SUGCT: variants seen among roughly 807,000 people sequenced by gnomAD.
SUGCT encodes the protein succinyl-CoA:glutarate-CoA transferase, also known as succinyl-CoA:glutarate CoA-transferase.
In SUGCT, 41 loss-of-function variants were observed where a neutral mutation model predicts 55.0. The observed-to-expected ratio is 0.74, with a 90% CI of 0.58 to 0.97. The LOEUF is 0.97. SUGCT is among the 50% of genes least tolerant of loss of function. The probability of loss-of-function intolerance (pLI) is 0.00; values close to 1 mark genes in which losing one functional copy is unlikely to be tolerated. For synonymous variants in SUGCT, 187 were observed against 200.4 expected, an observed-to-expected ratio of 0.93 and a Z score of 0.56; for missense variants, 568 against 547.8, an observed-to-expected ratio of 1.04 and a Z score of -0.37.
chr7:40,218,122 A>C (rs1319401545), intron 6 of SUGCT, among the ~76,000 whole-genome samples: 1 of 152,112 alleles, frequency 6.6e-6, no homozygotes, highest in Non-Finnish European at 1.5e-5. Flanking sequence ...CTGAGGCAGG[A>C]GAATCATTTG....
intron 12 of SUGCT, among the ~76,000 whole-genome samples, chr7:40,622,173 G>C (rs978479379): frequency 3.9e-5 from 6 of 152,224 alleles, no homozygotes; most frequent in Non-Finnish European, 7.3e-5. Flanking sequence ...GGTGTCCCAT[G>C]TGCTCATGAG....
chr7:40,744,449 A>C (rs936782999), intron 12 of SUGCT, among the ~76,000 whole-genome samples: 2 of 151,918 alleles, frequency 1.3e-5, no homozygotes, highest in Non-Finnish European at 2.9e-5. Context: ...AAAGTGACTA[A>C]TTTTTTTTAC....
intron 13 of SUGCT, among the ~76,000 whole-genome samples, chr7:40,761,854 G>A (rs553898950): frequency 6.6e-5 from 10 of 152,262 alleles, no homozygotes; most frequent in African/African-American, 2.2e-4. Context: ...ACCGTCCTCC[G>A]AGGGTCAGGA....
intron 12 of SUGCT, among the ~76,000 whole-genome samples, chr7:40,626,261 C>G (rs1035220347): frequency 1.3e-5 from 2 of 151,712 alleles, no homozygotes; most frequent in African/African-American, 2.4e-5. Context: ...TTTCTTTTCT[C>G]TCTTTTTTTT....
At chr7:40,965,785 G>T in the SUGCT span, 1 of 152,170 alleles carries the variant, frequency 6.6e-6, no homozygotes, top group Non-Finnish European at 1.5e-5. Context: ...TCTACTATCA[G>T]AGAATGACCT....
At chr7:40,471,434 G>T (rs1790397991) in intron 11 of SUGCT, among the ~76,000 whole-genome samples, 1 of 151,848 alleles carries the variant, frequency 6.6e-6, no homozygotes, top group Admixed American at 6.6e-5. Context: ...CAATGTACTT[G>T]CCTATATAAT....
intron 9 of SUGCT, among the ~76,000 whole-genome samples, chr7:40,413,839 A>G (rs1786825631): frequency 6.6e-6 from 1 of 152,200 alleles, no homozygotes; most frequent in South Asian, 2.1e-4. Context: ...AATCAAATAA[A>G]TGTAAATAAA....
intron 8 of SUGCT, among the ~76,000 whole-genome samples, chr7:40,280,454 C>G (rs1792878815): frequency 6.6e-6 from 1 of 152,082 alleles, no homozygotes; most frequent in Admixed American, 6.6e-5. Flanking sequence ...GTTTTAATGT[C>G]CTTACTGTAC....
intron 7 of SUGCT, among the ~76,000 whole-genome samples, chr7:40,242,931 ATATTTTTTTTTTTTT>A (rs1789535189): frequency 1.4e-4 from 3 of 21,066 alleles, no homozygotes; most frequent in African/African-American, 4.5e-4. Flanking sequence ...ATATATATAT[ATATTTTTTTTTTTTT>A]TTTTTTTTTT....
chr7:41,027,199 C>A, the SUGCT span, among the ~76,000 whole-genome samples: 1 of 152,082 alleles, frequency 6.6e-6, no homozygotes, highest in Non-Finnish European at 1.5e-5. Flanking sequence ...AATGGCTGGT[C>A]CTCTAAAACC....
At chr7:40,709,279 G>C (rs375546283) in intron 12 of SUGCT, among the ~76,000 whole-genome samples, 1 of 152,116 alleles carries the variant, frequency 6.6e-6, no homozygotes, top group South Asian at 2.1e-4. Context: ...CCATTATCAC[G>C]CTAAGAAAAG....
the SUGCT span, among the ~76,000 whole-genome samples, chr7:40,930,860 C>T: frequency 5.9e-5 from 9 of 152,128 alleles, no homozygotes; most frequent in Admixed American, 5.9e-4. Flanking sequence ...AATCATGTCA[C>T]TTGCAAACAG....
the SUGCT span, among the ~76,000 whole-genome samples, chr7:40,926,284 T>C: frequency 6.6e-6 from 1 of 152,000 alleles, no homozygotes; most frequent in Admixed American, 6.6e-5. Context: ...AGAAACTAAC[T>C]CTTGAGAATT....
chr7:40,853,259 G>T (rs2128801605), intron 13 of SUGCT, among the ~76,000 whole-genome samples: 1 of 152,230 alleles, frequency 6.6e-6, no homozygotes, highest in African/African-American at 2.4e-5. Context: ...ATTACTATGT[G>T]TAATAATATC....
At chr7:40,201,569 T>G (rs533334120) in intron 6 of SUGCT, among the ~76,000 whole-genome samples, 11 of 152,300 alleles carry the variant, frequency 7.2e-5, no homozygotes, top group African/African-American at 2.2e-4. Context: ...TTAGTGAAAG[T>G]GTGGTTTGAC....
intron 13 of SUGCT, among the ~76,000 whole-genome samples, chr7:40,751,680 A>T (rs1476710442): frequency 6.6e-6 from 1 of 152,156 alleles, no homozygotes; most frequent in Non-Finnish European, 1.5e-5. Context: ...TCTTCCACAC[A>T]TCTCTCCTTG....
intron 13 of SUGCT, among the ~76,000 whole-genome samples, chr7:40,838,926 A>G (rs1038950378): frequency 7.2e-6 from 1 of 138,720 alleles, no homozygotes; most frequent in Non-Finnish European, 1.6e-5. Context: ...AGTGCCCTCT[A>G]TTCTTCCTTT....
the SUGCT span, among the ~76,000 whole-genome samples, chr7:40,890,837 C>G: frequency 6.6e-6 from 1 of 152,044 alleles, no homozygotes; most frequent in African/African-American, 2.4e-5. Context: ...TATCTATGAA[C>G]CTCTTGACAA....
chr7:40,495,127 G>T (rs553424190), intron 11 of SUGCT, among the ~76,000 whole-genome samples: 3 of 151,760 alleles, frequency 2.0e-5, no homozygotes, highest in African/African-American at 7.3e-5. Flanking sequence ...GGTCAGGCTG[G>T]TCTCGAACTC....
Sources: allele counts gnomAD v4.1 joint callset (sites outside exome capture counted in the v4.1 genomes callset), GRCh38; gene constraint gnomAD v4.1.1; transcripts MANE v1.5; gene names NCBI Gene and HGNC (gene_info 2026-07-23, HGNC 2026-07-21).